Variants in RIMS3 observed in about 807,000 individuals in gnomAD.
RIMS3 encodes the protein regulating synaptic membrane exocytosis 3, also known as regulating synaptic membrane exocytosis protein 3.
In RIMS3, 15 loss-of-function variants were observed where a neutral mutation model predicts 29.2. That is an observed-to-expected ratio of 0.51 (90% CI 0.34 to 0.79). RIMS3 has a LOEUF of 0.79. Ranked by LOEUF, RIMS3 falls within the 30% of genes least tolerant of loss-of-function variation. The pLI is 0.01. For synonymous variants in RIMS3, 161 were observed against 170.1 expected, an observed-to-expected ratio of 0.95 and a Z score of 0.41; for missense variants, 342 against 421.4, an observed-to-expected ratio of 0.81 and a Z score of 1.65.
chr1:40,676,025 G>A, the RIMS3 span, among the ~76,000 whole-genome samples: 277 of 152,324 alleles, frequency 1.8e-3, 1 homozygote, highest in East Asian at 0.037. Context: ...AAGCCTGACT[G>A]TAGGTAGAGG....
chr1:40,656,879 T>C (rs1230080910), intron 1 of RIMS3, among the ~76,000 whole-genome samples: 1 of 152,120 alleles, frequency 6.6e-6, no homozygotes, highest in Non-Finnish European at 1.5e-5. Context: ...GAACCAACTT[T>C]CTCACTACGT....
intron 1 of RIMS3, among the ~76,000 whole-genome samples, chr1:40,656,108 C>G (rs910022054): frequency 1.3e-5 from 2 of 152,194 alleles, no homozygotes; most frequent in Non-Finnish European, 2.9e-5. Flanking sequence ...GTGGCTCACA[C>G]CCATAGTCCC....
intron 4 of RIMS3, among the ~76,000 whole-genome samples, chr1:40,633,528 C>T (rs990068640): frequency 3.9e-5 from 6 of 152,210 alleles, no homozygotes; most frequent in Non-Finnish European, 7.3e-5. Context: ...TGCTAAGAAC[C>T]AGAGACATAG....
In RIMS3 at chr1:40,652,926, T is replaced by A. The variant is rs538881689; in HGVS notation, c.-206-5084A>T. ...AGGAAACGGGGCCAGGAGTCGTGGGTGTGGTTAGGGGATTGCCTAGAGTGA... is the reference window on the plus strand; with the variant it reads ...AGGAAACGGGGCCAGGAGTCGTGGGAGTGGTTAGGGGATTGCCTAGAGTGA... On this transcript the variant is annotated intron_variant, in intron 1 of 7. Transcript: ENST00000372684. Among the ~76,000 whole-genome samples, 4 of 151,764 alleles carry A rather than the reference T, an allele frequency of 2.6e-5. No individual in the cohort carries two copies. The South Asian group carries it at 8.4e-4, about 32-fold the overall frequency.
intron 1 of RIMS3, among the ~76,000 whole-genome samples, chr1:40,663,835 AC>A (rs1266400194): frequency 1.3e-5 from 2 of 152,158 alleles, no homozygotes; most frequent in African/African-American, 4.8e-5. Context: ...AGTACTTGGC[AC>A]AGGGGTTGCT....
the RIMS3 span, among the ~76,000 whole-genome samples, chr1:40,674,653 T>TA: frequency 1.3e-5 from 2 of 152,166 alleles, no homozygotes; most frequent in Non-Finnish European, 2.9e-5. Flanking sequence ...GGGTTCCTGA[T>TA]AAAAGGATGC....
intron 3 of RIMS3, among the ~76,000 whole-genome samples, chr1:40,641,084 T>C (rs1015671967): frequency 1.3e-5 from 2 of 152,254 alleles, no homozygotes; most frequent in South Asian, 2.1e-4. Flanking sequence ...ACTACAGAAC[T>C]GCATTTGTGT....
At chr1:40,653,198 G>C (rs1170638520) in intron 1 of RIMS3, among the ~76,000 whole-genome samples, 3 of 152,148 alleles carry the variant, frequency 2.0e-5, no homozygotes, top group African/African-American at 7.2e-5. Flanking sequence ...GCAGGATTTG[G>C]GTGTGTTCTC....
At chr1:40,683,630 A>AAATT in the RIMS3 span, among the ~76,000 whole-genome samples, 8 of 151,750 alleles carry the variant, frequency 5.3e-5, no homozygotes, top group African/African-American at 1.9e-4. Flanking sequence ...TAGCAGCAGA[A>AAATT]AACTAAGATA....
At chr1:40,679,863 GAAGA>G in the RIMS3 span, among the ~76,000 whole-genome samples, 5 of 151,536 alleles carry the variant, frequency 3.3e-5, no homozygotes, top group East Asian at 9.7e-4. Context: ...TGAAAACCAA[GAAGA>G]AAGAGTAGCC....
At position 40,636,047 on chromosome 1, in the gene RIMS3, G is replaced by C. The variant is rs768908483; in HGVS notation, c.228C>G (p.Thr76=). 4.4e-6 allele frequency: 7 copies of C among 1,603,740 alleles called. No homozygotes were observed. Among genetic ancestry groups the C allele is most frequent in the Non-Finnish European group, 5.9e-6 (7 of 1,179,946 alleles). Residue 76 remains threonine, a synonymous_variant, in exon 4 of 8, where the codon ACC becomes ACG. Coordinates refer to ENST00000372684, the MANE Select transcript of RIMS3 (RefSeq NM_014747.3). The surrounding 1 kb of genome is among the most constrained non-coding windows in gnomAD (Gnocchi z 4.2). ...GGCGGATGTTGCTGCGCAGCTTCTT[G>C]GTGGCCCCTTCTGTGACCCCCCCAA... The part of the protein sequence containing the change: ...TLQLPQPEGA[T]KKLRSNIRRS...
At position 40,641,753 on chromosome 1, in the gene RIMS3, C is replaced by A; in HGVS notation, c.173G>T (p.Gly58Val). 1 of 1,613,948 alleles carries A rather than the reference C, an allele frequency of 6.2e-7. No individual in the cohort carries two copies. Among genetic ancestry groups the A allele is most frequent in the Non-Finnish European group, 8.5e-7 (1 of 1,179,832 alleles). ...TGTGCTCTTGCTCCACTGAGTCAGG[C>A]CCACGATGGCCACCATCTTGGCACC... ...SLGAKMVAIV[G>V]LTQWSKSTLQ... is the part of the protein sequence containing the mutation. Residue 58 changes from glycine (G) to valine (V), a missense_variant, in exon 3 of 8, where the codon GGC becomes GTC. By Grantham distance (109) the Gly-to-Val change is moderately radical. Transcript: ENST00000372684.
At chr1:40,661,419 A>G (rs765344576) in intron 1 of RIMS3, among the ~76,000 whole-genome samples, 7 of 152,088 alleles carry the variant, frequency 4.6e-5, no homozygotes, top group African/African-American at 1.4e-4. Flanking sequence ...GTGGGGCTAT[A>G]TAATATGCAG....
rs1306697380 is a variant in RIMS3 at position 40,626,338 on chromosome 1, A to ACACGCACG, written c.*171_*178dup. 4 of 654,422 alleles carry ACACGCACG rather than the reference A, an allele frequency of 6.1e-6. No individual in the cohort carries two copies. The highest frequency in any genetic ancestry group is 2.7e-5 in the East Asian group (1 of 36,574). 40.5% of individuals were successfully genotyped at this position (654,422 alleles called of 1,614,324 possible). On this transcript the variant is annotated 3_prime_UTR_variant, in exon 8 of 8. Coordinates refer to ENST00000372684, the MANE Select transcript of RIMS3 (RefSeq NM_014747.3). ...AACGTGGTCACGTACACACACACAC[A>ACACGCACG]CACGCACGCACACACGCACACACTA...
Position 40,633,161 on chromosome 1 carries a change from C to A in RIMS3, c.380G>T (p.Arg127Leu). Residue 127 changes from arginine (R) to leucine (L), a missense_variant, in exon 5 of 8, where the codon CGG becomes CTG. Arg to Leu is a moderately radical substitution (Grantham distance 102, BLOSUM62 -2). Coordinates refer to ENST00000372684, the MANE Select transcript of RIMS3 (RefSeq NM_014747.3). ...GCTGAACTGGCTTTCAGCCCCTAGC[C>A]GGGTAGTGGGGAAGATGAACCTGCA... is the stretch of plus-strand genomic sequence containing the variant. ...SDGTFIFPTT[R>L]LGAESQFSDF... 6.2e-7 allele frequency: 1 copy of A among 1,614,068 alleles called. No individual in the cohort carries two copies. The highest frequency in any genetic ancestry group is 8.5e-7 in the Non-Finnish European group (1 of 1,179,944).
intron 6 of RIMS3, among the ~76,000 whole-genome samples, 157 bp from the exon 7 acceptor site, chr1:40,629,106 C>G (rs902041991): frequency 1.3e-5 from 2 of 152,138 alleles, no homozygotes; most frequent in African/African-American, 4.8e-5. Context: ...AGTACTGATT[C>G]CTCCATCCTC....
chr1:40,624,328 G>C lies in RIMS3; in HGVS notation c.*2189C>G, dbSNP rs1161498602. 6.6e-6 allele frequency: 1 copy of C among 152,264 alleles called. No homozygotes were observed. Among genetic ancestry groups the C allele is most frequent in the Admixed American group, 6.5e-5 (1 of 15,286 alleles). The allele number at this position is 152,264 out of a possible 1,614,324, so 9.4% of individuals were successfully genotyped here. ...TTTTCGCAACACCCTGACAGTGACT[G>C]CTCTAGAGGTGAATATATCATAAAC... On this transcript the variant is annotated 3_prime_UTR_variant, in exon 8 of 8. Transcript: ENST00000372684.
intron 7 of RIMS3, among the ~76,000 whole-genome samples, 181 bp from the exon 8 acceptor site, chr1:40,626,910 T>A (rs948991016): frequency 6.6e-6 from 1 of 152,184 alleles, no homozygotes; most frequent in Non-Finnish European, 1.5e-5. Context: ...ATCCTATGGA[T>A]TTTACCTAGA....
chr1:40,634,288 G>C (rs535854391), intron 4 of RIMS3, among the ~76,000 whole-genome samples: 2 of 152,284 alleles, frequency 1.3e-5, no homozygotes, highest in Admixed American at 6.5e-5. Context: ...TTGTCAGAGA[G>C]AGCCTGTGTC....
Sources: allele counts gnomAD v4.1 joint callset (sites outside exome capture counted in the v4.1 genomes callset), GRCh38; gene constraint gnomAD v4.1.1; non-coding constraint Gnocchi (gnomAD v3.1); transcripts MANE v1.5; gene names NCBI Gene and HGNC (gene_info 2026-07-23, HGNC 2026-07-21).